The following FRMPD3 variants were observed in gnomAD, a reference collection of about 807,000 sequenced individuals.
FRMPD3 encodes FERM and PDZ domain containing 3, also known as FERM and PDZ domain-containing protein 3.
FRMPD3 carries 42 observed loss-of-function variants against 97.9 expected under a neutral mutation model. The observed-to-expected ratio is 0.43, with a 90% CI of 0.34 to 0.55. FRMPD3 has a LOEUF of 0.55. Ranked by LOEUF, FRMPD3 falls within the 20% of genes least tolerant of loss-of-function variation. The pLI is 0.03. For missense variants in FRMPD3, 1,303 were observed against 1,457.7 expected, an observed-to-expected ratio of 0.89 and a Z score of 1.73; for synonymous variants, 577 against 581.1, an observed-to-expected ratio of 0.99 and a Z score of 0.10.
At chrX:107,474,753 T>A (rs1445178171) in intron 1 of FRMPD3, among the ~76,000 whole-genome samples, 3 of 111,699 alleles carry the variant, frequency 2.7e-5, no homozygotes, top group African/African-American at 9.8e-5. Flanking sequence ...CTACTGCCAC[T>A]AATGAACAAC....
intron 5 of FRMPD3, among the ~76,000 whole-genome samples, chrX:107,546,076 C>G (rs185793497): frequency 2.7e-5 from 3 of 111,854 alleles, no homozygotes; most frequent in Non-Finnish European, 5.6e-5. Context: ...CCTTCTGATG[C>G]TTAGAGAAAT....
intron 2 of FRMPD3, among the ~76,000 whole-genome samples, chrX:107,529,322 C>T (rs986160139): frequency 1.8e-5 from 2 of 111,537 alleles, no homozygotes; most frequent in Admixed American, 9.6e-5. Flanking sequence ...CAGTAGCTCA[C>T]GTCTGTAATC....
At chrX:107,531,915 G>A (rs1602780622) in intron 3 of FRMPD3, among the ~76,000 whole-genome samples, 1 of 111,774 alleles carries the variant, frequency 8.9e-6, no homozygotes, top group African/African-American at 3.3e-5. Context: ...GCACACTCTT[G>A]ATAACCTTGG....
chrX:107,472,997 C>G (rs1217960659), intron 1 of FRMPD3, among the ~76,000 whole-genome samples: 2 of 112,461 alleles, frequency 1.8e-5, no homozygotes, highest in African/African-American at 6.5e-5. Context: ...CCAAAAGGGG[C>G]AGGTCTCTCC....
chrX:107,478,990 A>G (rs778479895), intron 1 of FRMPD3, among the ~76,000 whole-genome samples: 4 of 112,138 alleles, frequency 3.6e-5, no homozygotes, highest in Non-Finnish European at 7.5e-5. Context: ...CCCCGAACCA[A>G]TGACCAAGTT....
chrX:107,578,582 G>A (rs755908392), intron 13 of FRMPD3, among the ~76,000 whole-genome samples: 21 of 111,534 alleles, frequency 1.9e-4, no homozygotes, highest in Admixed American at 4.8e-4. Flanking sequence ...GTGTCCATGC[G>A]GGAGCCAGAT....
intron 1 of FRMPD3, among the ~76,000 whole-genome samples, chrX:107,494,337 A>C (rs1216802493): frequency 8.9e-6 from 1 of 111,958 alleles, no homozygotes; most frequent in Non-Finnish European, 1.9e-5. Context: ...CAGAGGCCCA[A>C]TCAGCTTGAA....
At chrX:107,595,409 A>G (rs948872408) in intron 13 of FRMPD3, among the ~76,000 whole-genome samples, 4 of 111,401 alleles carry the variant, frequency 3.6e-5, no homozygotes, top group Non-Finnish European at 7.5e-5. Context: ...TGTTGTGCTC[A>G]GAAAATATAT....
chrX:107,525,921 C>CA (rs1416443681), intron 1 of FRMPD3, among the ~76,000 whole-genome samples: 2 of 109,306 alleles, frequency 1.8e-5, no homozygotes, highest in Non-Finnish European at 3.8e-5. Flanking sequence ...ACTAAAAATA[C>CA]AAAAATTAGC....
intron 1 of FRMPD3, among the ~76,000 whole-genome samples, chrX:107,501,626 A>G (rs2147529294): frequency 9.8e-6 from 1 of 102,421 alleles, no homozygotes; most frequent in South Asian, 4.9e-4. Context: ...AAATACTGAC[A>G]TAGGGGCCTG....
chrX:107,511,669 G>A (rs1922168412), intron 1 of FRMPD3, among the ~76,000 whole-genome samples: 1 of 112,743 alleles, frequency 8.9e-6, no homozygotes. Flanking sequence ...CCCCCAGAGG[G>A]GTGCTATTTG....
intron 1 of FRMPD3, among the ~76,000 whole-genome samples, chrX:107,524,718 C>T (rs748514370): frequency 3.6e-5 from 4 of 112,356 alleles, no homozygotes; most frequent in Non-Finnish European, 5.6e-5. Flanking sequence ...CTCGGCTAGG[C>T]GCGGTGGCTC....
In FRMPD3 at chrX:107,604,103, T is replaced by C. The variant is rs767309001; in HGVS notation, c.*730T>C. 1.2e-3 allele frequency: 134 copies of C among 109,185 alleles called. No homozygotes were observed. Among genetic ancestry groups the C allele is most frequent in the African/African-American group, 4.2e-3 (127 of 30,006 alleles). 9.0% of individuals were successfully genotyped at this position (109,185 alleles called of 1,213,427 possible). A position where few individuals can be genotyped will look rare whatever the true frequency, so the allele number is the denominator to read the frequency against. ...GCATCTGGGATCACCCCACTCATTT[T>C]GGGTAAGGTACCTGATGAAAACGTC... is the stretch of plus-strand genomic sequence containing the variant. On this transcript the variant is annotated 3_prime_UTR_variant, in exon 15 of 15. Transcript: ENST00000683843.
chrX:107,565,169 C>A, intron 12 of FRMPD3, 103 bp downstream of exon 12: 1 of 823,625 alleles, frequency 1.2e-6, no homozygotes, highest in Non-Finnish European at 1.7e-6. Flanking sequence ...AGGTGAGGTT[C>A]AGTAATTCTG....
intron 5 of FRMPD3, among the ~76,000 whole-genome samples, chrX:107,547,983 A>G (rs1055887852): frequency 9.5e-6 from 1 of 105,409 alleles, no homozygotes; most frequent in African/African-American, 3.9e-5. Context: ...TTCCAATTTT[A>G]TATCCCACCA....
Position 107,563,137 on chromosome X carries a change from G to A in FRMPD3, c.1053G>A (p.Gln351=), listed in dbSNP as rs1922447386. The change falls in exon 11 of 15, where the codon CAG becomes CAA. Residue 351 remains glutamine (Q), a synonymous_variant. Coordinates refer to ENST00000683843, the MANE Select transcript of FRMPD3 (RefSeq NM_001388459.1). ...TKGSAIQAKL[Q]YLRILNELPT... ...GCTCTGCAATTCAGGCAAAGCTCCA[G>A]TATCTACGAATTCTGAATGAACTTC... is the stretch of plus-strand genomic sequence containing the variant. The A allele has an allele frequency of 8.3e-7, 1 of 1,210,349 alleles. No homozygotes were observed. The highest frequency in any genetic ancestry group is 1.1e-6 in the Non-Finnish European group (1 of 895,003).
chrX:107,491,698 C>T (rs1017962914), intron 1 of FRMPD3, among the ~76,000 whole-genome samples: 3 of 111,855 alleles, frequency 2.7e-5, no homozygotes, highest in African/African-American at 6.5e-5. Context: ...TGGCGGGCCA[C>T]CATGGGCATG....
intron 1 of FRMPD3, among the ~76,000 whole-genome samples, chrX:107,518,406 A>G (rs747158058): frequency 6.3e-5 from 7 of 111,765 alleles, no homozygotes; most frequent in African/African-American, 2.3e-4. Context: ...GCAATATCTG[A>G]TAACCCAAAG....
chrX:107,556,981 A>G (rs771910615), intron 8 of FRMPD3, among the ~76,000 whole-genome samples: 1 of 112,134 alleles, frequency 8.9e-6, no homozygotes, highest in African/African-American at 3.2e-5. Context: ...TGGGGTAAAC[A>G]CTTAGAAGTG....
Sources: gnomAD v4.1 joint callset for allele counts (sites outside exome capture counted in the v4.1 genomes callset) on GRCh38, gnomAD v4.1.1 for gene constraint, MANE v1.5 for transcripts, NCBI Gene and HGNC (gene_info 2026-07-23, HGNC 2026-07-21) for gene names.